The following PATJ variants were observed in gnomAD, a reference collection of about 807,000 sequenced individuals.
PATJ encodes inaD-like protein.
PATJ carries 190 observed loss-of-function variants against 224.9 expected under a neutral mutation model. That is an observed-to-expected ratio of 0.84 (90% CI 0.75 to 0.95). PATJ has a LOEUF of 0.95. Among genes scored for constraint, PATJ ranks in the 40% least tolerant of loss-of-function variants. The pLI, the probability that PATJ is intolerant of heterozygous loss-of-function variation, is 0.00. For synonymous variants in PATJ, 769 were observed against 820.3 expected (o/e 0.94, Z 1.07); for missense variants, 2,121 against 2,270.3 (o/e 0.93, Z 1.34).
At chr1:61,990,098 G>C (rs1336348413) in intron 27 of PATJ, 70 bp from the exon 28 acceptor site, 1 of 1,124,344 alleles carries the variant, frequency 8.9e-7, no homozygotes, top group Non-Finnish European at 1.3e-6. Flanking sequence ...AGTAAGGATG[G>C]GGAAATGCTG....
In PATJ at chr1:61,840,168, A is replaced by G. The variant is rs188391712; in HGVS notation, c.2112+6383A>G. On this transcript the variant is annotated intron_variant, in intron 17 of 43. Coordinates refer to ENST00000642238, the MANE Select transcript of PATJ (RefSeq NM_001350145.3). Reference sequence around the variant, plus strand: ...ATCTAGTGTGTAGTTTTGACTGCCTATTAACTCTGTTAGAATTCTCTTTTT... The same window carrying G: ...ATCTAGTGTGTAGTTTTGACTGCCTGTTAACTCTGTTAGAATTCTCTTTTT... Among the ~76,000 whole-genome samples the G allele has an allele frequency of 1.4e-3, 217 of 152,150 alleles. 1 individual carries two copies. Among genetic ancestry groups the G allele is most frequent in the African/African-American group, 5.0e-3 (206 of 41,574 alleles).
At chr1:61,811,763 TA>T (rs201887752) in intron 14 of PATJ, among the ~76,000 whole-genome samples, 115 of 139,104 alleles carry the variant, frequency 8.3e-4, no homozygotes, top group Middle Eastern at 3.6e-3. Context: ...ATTCCCAAAG[TA>T]AAAAAAAAAA....
At chr1:62,030,717 GTCACTATAGGTTAGTT>G (rs1330100683) in intron 29 of PATJ, among the ~76,000 whole-genome samples, 1 of 152,124 alleles carries the variant, frequency 6.6e-6, no homozygotes, top group East Asian at 1.9e-4. Context: ...CCTGATTTCT[GTCACTATAGGTTAGTT>G]TCAACTGTTC....
In PATJ at chr1:62,013,278, AAC is replaced by A. The variant is rs1185622259; in HGVS notation, c.3868-4576_3868-4575del. The A allele has an allele frequency of 4.6e-6, 4 of 871,434 alleles. No homozygotes were observed. The Admixed American group carries it at 1.9e-4, about 40-fold the overall frequency. The allele number at this position is 871,434 out of a possible 1,614,324, so 54.0% of individuals were successfully genotyped here. A position where few individuals can be genotyped will look rare whatever the true frequency, so the allele number is the denominator to read the frequency against. On this transcript the variant is annotated intron_variant, in intron 28 of 43. Coordinates refer to ENST00000642238, the MANE Select transcript of PATJ (RefSeq NM_001350145.3). Reference sequence around the variant, plus strand: ...GAAGCAGACATATCCATAAACATGAAACAGTTAGATTTCCTACATGCTCAAGC... The same window carrying A: ...GAAGCAGACATATCCATAAACATGAAAGTTAGATTTCCTACATGCTCAAGC...
intron 43 of PATJ, among the ~76,000 whole-genome samples, chr1:62,155,964 A>G (rs1306655481): frequency 2.1e-5 from 3 of 143,226 alleles, no homozygotes; most frequent in African/African-American, 5.1e-5. Context: ...AGGCTGAGGC[A>G]GGAGAATGGC....
intron 14 of PATJ, among the ~76,000 whole-genome samples, chr1:61,810,012 T>G (rs11580167): frequency 0.38 from 56,987 of 151,534 alleles, 12,362 homozygotes; most frequent in South Asian, 0.56. Flanking sequence ...CACCCCCGGC[T>G]AATTTTTTTC....
chr1:61,959,242 G>A (rs1472565207), intron 27 of PATJ, among the ~76,000 whole-genome samples: 1 of 151,544 alleles, frequency 6.6e-6, no homozygotes, highest in Admixed American at 6.6e-5. Flanking sequence ...AATTAGTATG[G>A]GACCGGGGAT....
At chr1:61,908,136 A>T (rs977001247) in intron 24 of PATJ, among the ~76,000 whole-genome samples, 1 of 152,136 alleles carries the variant, frequency 6.6e-6, no homozygotes, top group African/African-American at 2.4e-5. Flanking sequence ...TTAACCAGGG[A>T]TGTTTTTATT....
chr1:61,881,710 C>A (rs1337499155), intron 21 of PATJ, among the ~76,000 whole-genome samples: 1 of 152,166 alleles, frequency 6.6e-6, no homozygotes, highest in Non-Finnish European at 1.5e-5. Flanking sequence ...CCGCACCCAG[C>A]CCGCTCTTTA....
intron 28 of PATJ, among the ~76,000 whole-genome samples, chr1:62,003,552 C>T (rs1475507825): frequency 6.6e-6 from 1 of 152,212 alleles, no homozygotes; most frequent in Non-Finnish European, 1.5e-5. Flanking sequence ...GATCTTACTT[C>T]AGCACTGCGA....
chr1:61,882,024 T>A (rs556149773), intron 21 of PATJ, among the ~76,000 whole-genome samples: 1 of 152,356 alleles, frequency 6.6e-6, no homozygotes, highest in South Asian at 2.1e-4. Context: ...GCAAGTACCA[T>A]ATTTACTTGT....
Position 62,106,144 on chromosome 1 carries a change from A to ATG in PATJ, c.4378-2279_4378-2278dup, listed in dbSNP as rs1179729899. Among the ~76,000 whole-genome samples the ATG allele has an allele frequency of 3.7e-3, 211 of 57,502 alleles. 19 individuals are homozygous for ATG. The highest frequency in any genetic ancestry group is 0.011 in the East Asian group (36 of 3,178). 37.7% of individuals were successfully genotyped at this position (57,502 alleles called of 152,430 possible). On this transcript the variant is annotated intron_variant, in intron 33 of 43. Coordinates refer to ENST00000642238, the MANE Select transcript of PATJ (RefSeq NM_001350145.3). ...CAAACACACATATATACATGTGTAT[A>ATG]TGTGTGTGTGTGTGTATATATATAT...
chr1:61,911,820 G>A (rs1218211792), intron 25 of PATJ, among the ~76,000 whole-genome samples: 3 of 148,598 alleles, frequency 2.0e-5, no homozygotes, highest in African/African-American at 7.3e-5. Context: ...AACCCCACCA[G>A]TCTTTGAAAT....
chr1:61,871,397 A>ATGTGTG (rs1666363958), intron 20 of PATJ, among the ~76,000 whole-genome samples: 2 of 115,998 alleles, frequency 1.7e-5, no homozygotes, highest in Non-Finnish European at 3.4e-5. Flanking sequence ...GTATATATAT[A>ATGTGTG]TATGTGTATA....
chr1:61,957,051 A>G (rs955405479), intron 27 of PATJ, among the ~76,000 whole-genome samples: 5 of 152,198 alleles, frequency 3.3e-5, no homozygotes, highest in African/African-American at 1.2e-4. Flanking sequence ...CCATTAATGC[A>G]CTTACAGTGC....
At chr1:61,783,441 T>A (rs77398277) in intron 7 of PATJ, among the ~76,000 whole-genome samples, 9 of 148,382 alleles carry the variant, frequency 6.1e-5, no homozygotes, top group Non-Finnish European at 9.0e-5. Context: ...TTTTTTTTTT[T>A]AAATAGAGAC....
At chr1:62,084,402 GAA>G in intron 32 of PATJ, 111 bp from the exon 33 acceptor site, 1 of 1,132,754 alleles carries the variant, frequency 8.8e-7, no homozygotes. Context: ...TGTTTGGCAG[GAA>G]AAGAGTGCAG....
chr1:61,770,556 A>G (rs1211038994), intron 5 of PATJ, among the ~76,000 whole-genome samples: 4 of 152,284 alleles, frequency 2.6e-5, no homozygotes, highest in South Asian at 4.1e-4. Flanking sequence ...AGTAAATACT[A>G]TTTTTCTTTA....
intron 41 of PATJ, among the ~76,000 whole-genome samples, chr1:62,145,842 C>T (rs576209341): frequency 2.2e-4 from 33 of 151,922 alleles, no homozygotes; most frequent in African/African-American, 7.7e-4. Flanking sequence ...CCTGTAATCC[C>T]AGCTACTTGG....
Sources: gnomAD v4.1 joint callset for allele counts (sites outside exome capture counted in the v4.1 genomes callset) on GRCh38, gnomAD v4.1.1 for gene constraint, MANE v1.5 for transcripts, NCBI Gene and HGNC (gene_info 2026-07-23, HGNC 2026-07-21) for gene names.